The following NPHP3 variants were observed in gnomAD, a reference collection of about 807,000 sequenced individuals.
The protein encoded by NPHP3 is nephrocystin-3.
NPHP3 carries 123 observed loss-of-function variants against 171.9 expected under a neutral mutation model. The observed-to-expected ratio is 0.72, with a 90% CI of 0.62 to 0.83. The LOEUF (loss-of-function observed/expected upper bound fraction) is 0.83, where lower values mean the gene tolerates loss of function less well. NPHP3 is among the 40% of genes least tolerant of loss of function. NPHP3 has a pLI of 0.00. For synonymous variants in NPHP3, 558 were observed against 579.2 expected (o/e 0.96, Z 0.52); for missense variants, 1,506 against 1,591.9 (o/e 0.95, Z 0.92).
At chr3:132,712,502 T>C (rs996326134) in intron 6 of NPHP3, 8 of 456,116 alleles carry the variant, frequency 1.8e-5, no homozygotes, top group African/African-American at 1.4e-4. Context: ...TGTGTTGGCC[T>C]ACGCCTGTAA....
At chr3:132,707,547 A>G (rs560558217) in intron 7 of NPHP3, among the ~76,000 whole-genome samples, 1 of 152,334 alleles carries the variant, frequency 6.6e-6, no homozygotes, top group Non-Finnish European at 1.5e-5. Flanking sequence ...AGAAAAGCAC[A>G]AAATACCATC....
In NPHP3 at chr3:132,700,533, C is replaced by T. The variant is rs149117292; in HGVS notation, c.1629-85G>A. The T allele has an allele frequency of 1.9e-4, 140 of 754,594 alleles. 3 individuals carry two copies. In the Admixed American group the frequency reaches 3.4e-3, roughly 19 times the overall value. The allele number at this position is 754,594 out of a possible 1,614,324, so 46.7% of individuals were successfully genotyped here. ...AAAGAATTCACAATGCAGTAAACAT[C>T]AAATGTTGCCTAACTGAGCAATCAG... On this transcript the variant is annotated intron_variant, in intron 10 of 26. Transcript: ENST00000337331.
intron 6 of NPHP3, among the ~76,000 whole-genome samples, chr3:132,712,919 G>A (rs1380238146): frequency 3.9e-5 from 6 of 152,078 alleles, no homozygotes; most frequent in Non-Finnish European, 8.8e-5. Flanking sequence ...AAATTAAGGT[G>A]TTGATCATAT....
In NPHP3 at chr3:132,716,751, T is replaced by C; in HGVS notation, c.823+6A>G. The stretch of plus-strand genomic sequence containing the variant: ...AGGCAAGTAATTGACAAACAGCATG[T>C]ATTACCTCTATTAACATTTGCAAAG... On this transcript the variant is annotated splice_donor_region_variant and intron_variant, in intron 4 of 26. Coordinates refer to ENST00000337331, the MANE Select transcript of NPHP3 (RefSeq NM_153240.5). 1 of 1,613,858 alleles carries C rather than the reference T, an allele frequency of 6.2e-7. No individual in the cohort carries two copies. Among genetic ancestry groups the C allele is most frequent in the Non-Finnish European group, 8.5e-7 (1 of 1,179,890 alleles).
chr3:132,687,209 T>C lies in NPHP3; in HGVS notation c.3143A>G (p.His1048Arg), dbSNP rs934058701. 24 of 1,384,762 alleles carry C rather than the reference T, an allele frequency of 1.7e-5. No individual in the cohort carries two copies. The highest frequency in any genetic ancestry group is 2.4e-5 in the Non-Finnish European group (23 of 976,100). The allele number at this position is 1,384,762 out of a possible 1,614,324, so 85.8% of individuals were successfully genotyped here. A position where few individuals can be genotyped will look rare whatever the true frequency, so the allele number is the denominator to read the frequency against. ...QKQNKYEQAE[H>R]FRKKSFKIHQ... ...AATTTTAAAGGATTTTTTCCTAAAA[T>C]GTTCAGCTTGTTCATATCTTAAAAA... is the stretch of plus-strand genomic sequence containing the variant. The change falls in exon 22 of 27, where the codon CAT (histidine) becomes CGT (arginine). Residue 1048 changes from histidine to arginine, a missense_variant. His to Arg is a conservative substitution (Grantham distance 29, BLOSUM62 0). Around this residue, in one of 3 missense-constraint regions of NPHP3, gnomAD observed 569 missense variants for 648.1 expected, o/e 0.88. Coordinates refer to ENST00000337331, the MANE Select transcript of NPHP3 (RefSeq NM_153240.5).
chr3:132,709,272 CTTTTTTTTTTTTTT>C (rs3046397), intron 6 of NPHP3, among the ~76,000 whole-genome samples: 4 of 75,968 alleles, frequency 5.3e-5, no homozygotes, highest in Admixed American at 1.9e-4. Flanking sequence ...CTTTCTCTCC[CTTTTTTTTTTTTTT>C]TTTTTTTTTT....
intron 6 of NPHP3, among the ~76,000 whole-genome samples, chr3:132,710,601 A>G (rs1456398786): frequency 6.6e-6 from 1 of 152,210 alleles, no homozygotes; most frequent in Admixed American, 6.5e-5. Flanking sequence ...AAGAGGGCCA[A>G]TCATGAGCAA....
rs1206613441 is a variant in NPHP3, at chr3:132,681,116, A to T, written c.*794T>A. On this transcript the variant is annotated 3_prime_UTR_variant, in exon 27 of 27. Coordinates refer to ENST00000337331, the MANE Select transcript of NPHP3 (RefSeq NM_153240.5). ...GTGACTAATGTGTTTCACTGAAGAC[A>T]ATTTGAATCGTTCATAAACATTAAC... is the stretch of plus-strand genomic sequence containing the variant. The T allele has an allele frequency of 6.6e-6, 1 of 152,258 alleles. No individual in the cohort carries two copies. Among genetic ancestry groups the T allele is most frequent in the Non-Finnish European group, 1.5e-5 (1 of 68,050 alleles). The allele number at this position is 152,258 out of a possible 1,614,324, so 9.4% of individuals were successfully genotyped here.
At chr3:132,719,433 C>T (rs928365751) in intron 2 of NPHP3, among the ~76,000 whole-genome samples, 9 of 152,170 alleles carry the variant, frequency 5.9e-5, no homozygotes, top group Non-Finnish European at 1.3e-4. Context: ...CATCCCTAAA[C>T]ATTTCCAAAT....
At chr3:132,687,814 C>T (rs570566009) in intron 21 of NPHP3, among the ~76,000 whole-genome samples, 2 of 152,278 alleles carry the variant, frequency 1.3e-5, no homozygotes, top group African/African-American at 4.8e-5. Flanking sequence ...ATAAGAAAGA[C>T]TTTTTATTAT....
chr3:132,710,084 C>G (rs192284860), intron 6 of NPHP3, among the ~76,000 whole-genome samples: 1 of 152,068 alleles, frequency 6.6e-6, no homozygotes, highest in Non-Finnish European at 1.5e-5. Flanking sequence ...GATGAAACAA[C>G]GAGTCATGAG....
intron 5 of NPHP3, 59 bp downstream of exon 5, chr3:132,715,026 G>T: frequency 7.3e-7 from 1 of 1,375,894 alleles, no homozygotes; most frequent in Non-Finnish European, 1.0e-6. Context: ...ATCAGAAACA[G>T]AATATAATAT....
At position 132,716,844 on chromosome 3, in the gene NPHP3, T is replaced by C; in HGVS notation, c.736A>G (p.Met246Val). The C allele has an allele frequency of 1.2e-6, 2 of 1,614,158 alleles. No homozygotes were observed. Among genetic ancestry groups the C allele is most frequent in the Non-Finnish European group, 1.7e-6 (2 of 1,179,964 alleles). ...ALGSEPSIGSMIQLQQSFRGP... is the reference protein window; with the variant it reads ...ALGSEPSIGSVIQLQQSFRGP... ...CTGAAGGACTGCTGAAGCTGGATCATGCTTCCTATGGAAGGTTCACTTCCC... is the reference window on the plus strand; with the variant it reads ...CTGAAGGACTGCTGAAGCTGGATCACGCTTCCTATGGAAGGTTCACTTCCC... The change falls in exon 4 of 27, where the codon ATG becomes GTG. Residue 246 changes from methionine to valine, a missense_variant. Coordinates refer to ENST00000337331, the MANE Select transcript of NPHP3 (RefSeq NM_153240.5).
Position 132,717,884 on chromosome 3 carries a change from A to G in NPHP3, c.671-975T>C, listed in dbSNP as rs189564433. ...GTGATTTTCCTGCCTCAGCCTCCCG[A>G]GTAGCTGGGACTACAGGCACGCACC... On this transcript the variant is annotated intron_variant, in intron 3 of 26. Coordinates refer to ENST00000337331, the MANE Select transcript of NPHP3 (RefSeq NM_153240.5). The G allele has an allele frequency of 6.4e-3, 1,480 of 232,274 alleles. 18 individuals are homozygous for G. Among genetic ancestry groups the G allele is most frequent in the African/African-American group, 0.034 (1,408 of 41,274 alleles). 14.4% of individuals were successfully genotyped at this position (232,274 alleles called of 1,614,324 possible).
In NPHP3 at chr3:132,700,245, A is replaced by T; in HGVS notation, c.1743+89T>A. The T allele has an allele frequency of 2.5e-6, 3 of 1,179,444 alleles. No individual in the cohort carries two copies. In the Admixed American group the frequency reaches 5.6e-5, roughly 22 times the overall value. 73.1% of individuals were successfully genotyped at this position (1,179,444 alleles called of 1,614,324 possible). ...AAACCAAAACAGGTGGATAATACTG[A>T]AAATTGGTTTACCAGTAGGTACTTA... On this transcript the variant is annotated intron_variant, in intron 11 of 26. Coordinates refer to ENST00000337331, the MANE Select transcript of NPHP3 (RefSeq NM_153240.5).
chr3:132,715,755 A>G (rs578066664), intron 4 of NPHP3, among the ~76,000 whole-genome samples: 1 of 152,344 alleles, frequency 6.6e-6, no homozygotes, highest in Non-Finnish European at 1.5e-5. Context: ...AGAACTACTT[A>G]TAACTTCTTA....
Position 132,682,710 on chromosome 3 carries a change from CA to C in NPHP3, c.3804del (p.Val1269CysfsTer22). 1 of 1,601,974 alleles carries C rather than the reference CA, an allele frequency of 6.2e-7. No homozygotes were observed. Among genetic ancestry groups the C allele is most frequent in the Non-Finnish European group, 8.6e-7 (1 of 1,169,058 alleles). ...AGTGAAAAAAATTCTTACCTAAGCA[CA>C]GCTAAATTTTTCAGTGTTTCTCCAA... ...PRVGETLKNLAVLSYEGGDFE... is the reference protein window; with the variant it reads ...PRVGETLKNLXVLSYEGGDFE... On this transcript the variant is annotated frameshift_variant, in exon 26 of 27. Coordinates refer to ENST00000337331, the MANE Select transcript of NPHP3 (RefSeq NM_153240.5). LOFTEE classifies it high-confidence loss of function.
chr3:132,712,358 G>T, intron 6 of NPHP3: 1 of 453,052 alleles, frequency 2.2e-6, no homozygotes, highest in Middle Eastern at 3.3e-4. Context: ...GAAATTAGGG[G>T]TTATCAACTT....
chr3:132,683,883 C>T (rs1258257048), intron 24 of NPHP3, among the ~76,000 whole-genome samples: 1 of 152,092 alleles, frequency 6.6e-6, no homozygotes, highest in Non-Finnish European at 1.5e-5. Context: ...CTAACTACTT[C>T]ACTTCACCTG....
Sources: gnomAD v4.1 joint callset for allele counts (sites outside exome capture counted in the v4.1 genomes callset) on GRCh38, gnomAD v4.1.1 for gene constraint, gnomAD v4.1.1 regional missense constraint, MANE v1.5 for transcripts, NCBI Gene and HGNC (gene_info 2026-07-23, HGNC 2026-07-21) for gene names.